The following MDFIC2 variants were observed in gnomAD, a reference collection of about 807,000 sequenced individuals.
The protein encoded by MDFIC2 is myoD family inhibitor domain-containing protein 2.
chr3:70,233,344 G>A (rs191333162), intron 2 of MDFIC2, among the ~76,000 whole-genome samples: 81 of 152,278 alleles, frequency 5.3e-4, no homozygotes, highest in Middle Eastern at 3.4e-3. Context: ...AGATTTCAGC[G>A]TGGAATAATG....
intron 2 of MDFIC2, among the ~76,000 whole-genome samples, chr3:70,278,281 T>G (rs1702047636): frequency 6.6e-6 from 1 of 152,240 alleles, no homozygotes; most frequent in Admixed American, 6.5e-5. Flanking sequence ...AATTGCTTTG[T>G]AGTACTCCAT....
At chr3:70,290,138 G>A (rs1299133221) in intron 2 of MDFIC2, among the ~76,000 whole-genome samples, 2 of 152,138 alleles carry the variant, frequency 1.3e-5, no homozygotes, top group African/African-American at 4.8e-5. Flanking sequence ...GAGGCGCTCT[G>A]CTTTTTAGAG....
intron 2 of MDFIC2, among the ~76,000 whole-genome samples, chr3:70,269,543 G>T (rs1701955221): frequency 6.6e-6 from 1 of 152,004 alleles, no homozygotes; most frequent in African/African-American, 2.4e-5. Flanking sequence ...AATATTTTTT[G>T]ACCACGTAGC....
At chr3:70,247,842 T>A (rs538141385) in intron 2 of MDFIC2, among the ~76,000 whole-genome samples, 3 of 152,000 alleles carry the variant, frequency 2.0e-5, no homozygotes, top group Non-Finnish European at 4.4e-5. Flanking sequence ...AAAATAGATA[T>A]AAAAATATTC....
At chr3:70,291,832 T>C (rs570981234) in intron 2 of MDFIC2, 1 of 152,344 alleles carries the variant, frequency 6.6e-6, no homozygotes, top group African/African-American at 2.4e-5. Flanking sequence ...TCTTTCAAGA[T>C]GTGCTGTCTG....
At chr3:70,269,290 C>G (rs943321209) in intron 2 of MDFIC2, among the ~76,000 whole-genome samples, 1 of 152,220 alleles carries the variant, frequency 6.6e-6, no homozygotes, top group South Asian at 2.1e-4. Context: ...TAAGTTTAGC[C>G]TAAAGCTGGC....
At chr3:70,309,416 A>G (rs1702435933) in intron 2 of MDFIC2, among the ~76,000 whole-genome samples, 1 of 152,208 alleles carries the variant, frequency 6.6e-6, no homozygotes, top group South Asian at 2.1e-4. Context: ...TAACTGTATT[A>G]TTCTGAGTAA....
chr3:70,309,567 G>A (rs1455079165), intron 2 of MDFIC2, among the ~76,000 whole-genome samples: 4 of 152,100 alleles, frequency 2.6e-5, no homozygotes, highest in Non-Finnish European at 4.4e-5. Context: ...GCTAGTAGAT[G>A]GCTGAGCTGA....
intron 2 of MDFIC2, among the ~76,000 whole-genome samples, chr3:70,247,659 A>G (rs1701720727): frequency 6.6e-6 from 1 of 151,908 alleles, no homozygotes; most frequent in Non-Finnish European, 1.5e-5. Context: ...CAAGGTAACT[A>G]TTTTTATCCC....
At chr3:70,304,420 G>A (rs1702381308) in intron 2 of MDFIC2, among the ~76,000 whole-genome samples, 1 of 152,060 alleles carries the variant, frequency 6.6e-6, no homozygotes, top group African/African-American at 2.4e-5. Context: ...AGTTTCCATG[G>A]GGATACCTCA....
chr3:70,279,735 C>G (rs1315404934), intron 2 of MDFIC2, among the ~76,000 whole-genome samples: 1 of 152,142 alleles, frequency 6.6e-6, no homozygotes, highest in Non-Finnish European at 1.5e-5. Flanking sequence ...GAGTAGTTGC[C>G]AAGGAGCTGG....
chr3:70,264,421 C>A (rs1701896982), intron 2 of MDFIC2, among the ~76,000 whole-genome samples: 1 of 152,182 alleles, frequency 6.6e-6, no homozygotes, highest in South Asian at 2.1e-4. Flanking sequence ...CAATGACTGT[C>A]TAAGAACTGA....
At chr3:70,286,618 G>A (rs1702166727) in intron 2 of MDFIC2, among the ~76,000 whole-genome samples, 1 of 151,856 alleles carries the variant, frequency 6.6e-6, no homozygotes, top group Admixed American at 6.6e-5. Flanking sequence ...AGCTTGATGG[G>A]GATGGCATTG....
At chr3:70,208,347 A>C (rs1349435061) in intron 2 of MDFIC2, among the ~76,000 whole-genome samples, 2 of 152,092 alleles carry the variant, frequency 1.3e-5, no homozygotes, top group Non-Finnish European at 2.9e-5. Flanking sequence ...GCTCAGTGCA[A>C]GGAACATATT....
chr3:70,209,547 T>C (rs995092351), intron 2 of MDFIC2, among the ~76,000 whole-genome samples: 2 of 152,142 alleles, frequency 1.3e-5, no homozygotes, highest in Admixed American at 1.3e-4. Flanking sequence ...AGCAGATGAA[T>C]GAAGGTAACC....
At chr3:70,311,021 CAAT>C (rs1702449357) in intron 2 of MDFIC2, among the ~76,000 whole-genome samples, 1 of 152,054 alleles carries the variant, frequency 6.6e-6, no homozygotes, top group Admixed American at 6.6e-5. Flanking sequence ...GCAAAATCAT[CAAT>C]AAATATCAAT....
At chr3:70,242,932 A>AC (rs1359743684) in intron 2 of MDFIC2, among the ~76,000 whole-genome samples, 1 of 152,146 alleles carries the variant, frequency 6.6e-6, no homozygotes, top group African/African-American at 2.4e-5. Context: ...GTAAAAAACA[A>AC]CCATCAAAAA....
chr3:70,211,419 CTTTGCCCTTCCCTTCCCTTCCCTTCCT>C (rs1701345915), intron 2 of MDFIC2, among the ~76,000 whole-genome samples: 1 of 37,062 alleles, frequency 2.7e-5, no homozygotes, highest in Non-Finnish European at 7.0e-5. Flanking sequence ...CTTCCCTTCC[CTTTGCCCTTCCCTTCCCTTCCCTTCCT>C]TTCCCTTCCC....
At chr3:70,273,645 G>T (rs530324282) in intron 2 of MDFIC2, among the ~76,000 whole-genome samples, 1 of 152,298 alleles carries the variant, frequency 6.6e-6, no homozygotes, top group South Asian at 2.1e-4. Context: ...GGAGGAAAAG[G>T]CAAGGTACAG....
Sources: gnomAD v4.1 joint callset for allele counts (sites outside exome capture counted in the v4.1 genomes callset) on GRCh38, gnomAD v4.1.1 for gene constraint, MANE v1.5 for transcripts, NCBI Gene and HGNC (gene_info 2026-07-23, HGNC 2026-07-21) for gene names.